The following TENM3 variants were observed in gnomAD, a reference collection of about 807,000 sequenced individuals.
The protein encoded by TENM3 is teneurin transmembrane protein 3.
In TENM3, 63 loss-of-function variants were observed where a neutral mutation model predicts 255.1. That is an observed-to-expected ratio of 0.25 (90% CI 0.20 to 0.30). The LOEUF (loss-of-function observed/expected upper bound fraction) is 0.30. Among genes scored for constraint, TENM3 ranks in the 10% least tolerant of loss-of-function variants. TENM3 has a pLI of 1.00. For missense variants in TENM3, 2,929 were observed against 3,461.1 expected (o/e 0.85, Z 3.86); for synonymous variants, 1,306 against 1,322.3 (o/e 0.99, Z 0.27).
At chr4:182,555,138 A>C (rs553811420) in intron 3 of TENM3, among the ~76,000 whole-genome samples, 19 of 152,342 alleles carry the variant, frequency 1.2e-4, no homozygotes, top group African/African-American at 4.6e-4. Flanking sequence ...GACATAATTA[A>C]CATAAAAACC....
At chr4:182,570,306 G>A (rs1191951027) in intron 3 of TENM3, among the ~76,000 whole-genome samples, 2 of 152,066 alleles carry the variant, frequency 1.3e-5, no homozygotes, top group African/African-American at 4.8e-5. Context: ...ATTGGGAGGG[G>A]AAGCCATATA....
the TENM3 span, among the ~76,000 whole-genome samples, chr4:181,999,497 A>T: frequency 6.6e-6 from 1 of 152,210 alleles, no homozygotes; most frequent in Admixed American, 6.5e-5. Flanking sequence ...TATTATGTGT[A>T]TACAAAACTT....
intron 5 of TENM3, among the ~76,000 whole-genome samples, chr4:182,633,792 C>T (rs902256119): frequency 4.6e-5 from 7 of 152,110 alleles, no homozygotes. Context: ...TACTGTCTCC[C>T]GTGAGGTTTT....
chr4:181,933,280 G>A, the TENM3 span, among the ~76,000 whole-genome samples: 1 of 152,080 alleles, frequency 6.6e-6, no homozygotes, highest in Non-Finnish European at 1.5e-5. Flanking sequence ...TTTTCTTGCA[G>A]TTATCAATCA....
chr4:182,362,738 G>A (rs1189503258), intron 3 of TENM3, among the ~76,000 whole-genome samples: 8 of 152,184 alleles, frequency 5.3e-5, no homozygotes, highest in African/African-American at 1.7e-4. Context: ...ACTGACCTGC[G>A]CCCACTGTCT....
At chr4:181,670,639 G>T in the TENM3 span, among the ~76,000 whole-genome samples, 2 of 152,164 alleles carry the variant, frequency 1.3e-5, no homozygotes, top group African/African-American at 4.8e-5. Context: ...TGGTTGTAGG[G>T]CATTCAACAC....
the TENM3 span, among the ~76,000 whole-genome samples, chr4:181,548,131 G>A: frequency 6.6e-6 from 1 of 152,230 alleles, no homozygotes; most frequent in Admixed American, 6.5e-5. Context: ...ACACCAGTTA[G>A]AACGGCGATC....
the TENM3 span, among the ~76,000 whole-genome samples, chr4:181,530,020 C>T: frequency 1.3e-5 from 2 of 152,188 alleles, no homozygotes; most frequent in Non-Finnish European, 2.9e-5. Context: ...AAGTTTGGCT[C>T]TTCTCTTAAC....
rs182281394 is a variant in TENM3 at position 182,553,545 on chromosome 4, A to G, written c.512-47379A>G. ...AAAGTATAATAATAATAAAATTTAAAAAAAAAAAGAAAATTGAAACTCATT... is the reference window on the plus strand; with the variant it reads ...AAAGTATAATAATAATAAAATTTAAGAAAAAAAAGAAAATTGAAACTCATT... On this transcript the variant is annotated intron_variant, in intron 3 of 27. Transcript: ENST00000511685. Among the ~76,000 whole-genome samples the G allele has an allele frequency of 2.1e-4, 32 of 152,158 alleles. 1 individual carries two copies. Among genetic ancestry groups the G allele is most frequent in the African/African-American group, 7.0e-4 (29 of 41,528 alleles).
chr4:182,792,067 C>G lies in TENM3; in HGVS notation c.5602-207C>G, dbSNP rs955863635. On this transcript the variant is annotated intron_variant, in intron 25 of 27. Coordinates refer to ENST00000511685, the MANE Select transcript of TENM3 (RefSeq NM_001080477.4). The surrounding 1 kb of genome is among the most constrained non-coding windows in gnomAD (Gnocchi z 6.3). ...GTGACAGGCAGCACATTGTGAATCT[C>G]GAGCCACTAATTGCAGAACCCCTCA... Among the ~76,000 whole-genome samples the G allele has an allele frequency of 6.6e-6, 1 of 152,132 alleles. No homozygotes were observed. The highest frequency in any genetic ancestry group is 1.5e-5 in the Non-Finnish European group (1 of 68,040).
At chr4:181,948,657 C>G in the TENM3 span, among the ~76,000 whole-genome samples, 1 of 152,106 alleles carries the variant, frequency 6.6e-6, no homozygotes, top group East Asian at 1.9e-4. Flanking sequence ...ACCTCGTGAT[C>G]TGCCCACCTC....
At chr4:182,262,777 G>GCC (rs1758906907) in intron 1 of TENM3, among the ~76,000 whole-genome samples, 1 of 138,898 alleles carries the variant, frequency 7.2e-6, no homozygotes, top group East Asian at 2.1e-4. Context: ...GCAGTGGCCT[G>GCC]ATCTCAGCTC....
intron 2 of TENM3, among the ~76,000 whole-genome samples, chr4:182,328,587 G>A (rs1337037009): frequency 1.3e-5 from 2 of 152,148 alleles, no homozygotes; most frequent in Non-Finnish European, 2.9e-5. Flanking sequence ...AAAACAGAAA[G>A]TAAATTTGCA....
chr4:182,320,547 T>A (rs1245524197), intron 1 of TENM3, among the ~76,000 whole-genome samples: 1 of 152,208 alleles, frequency 6.6e-6, no homozygotes, highest in Non-Finnish European at 1.5e-5. Flanking sequence ...AGTCATTGCA[T>A]TTAGGGCCCT....
At chr4:182,694,414 G>A (rs1345260386) in intron 12 of TENM3, among the ~76,000 whole-genome samples, 2 of 152,040 alleles carry the variant, frequency 1.3e-5, no homozygotes, top group African/African-American at 2.4e-5. Flanking sequence ...GCACCCAGCC[G>A]AGAGTTGTTT....
At chr4:182,250,343 C>T (rs951989627) in intron 1 of TENM3, among the ~76,000 whole-genome samples, 9 of 152,240 alleles carry the variant, frequency 5.9e-5, no homozygotes, top group Admixed American at 1.3e-4. Context: ...TGAGCCACTG[C>T]GCCTGGCCTG....
the TENM3 span, among the ~76,000 whole-genome samples, chr4:182,101,884 C>G: frequency 6.6e-6 from 1 of 152,056 alleles, no homozygotes; most frequent in African/African-American, 2.4e-5. Flanking sequence ...ACATTGTGCC[C>G]CATATATATA....
chr4:182,100,600 C>CACATATATATACACACAT, the TENM3 span, among the ~76,000 whole-genome samples: 28 of 22,144 alleles, frequency 1.3e-3, 1 homozygote, highest in East Asian at 0.019. Flanking sequence ...CATATATACA[C>CACATATATATACACACAT]ATATATACAC....
the TENM3 span, among the ~76,000 whole-genome samples, chr4:181,549,480 C>T: frequency 6.6e-6 from 1 of 152,242 alleles, no homozygotes; most frequent in African/African-American, 2.4e-5. Flanking sequence ...AGCCACCAGC[C>T]TCTCTCCAAC....
Sources: gnomAD v4.1 joint callset for allele counts (sites outside exome capture counted in the v4.1 genomes callset) on GRCh38, gnomAD v4.1.1 for gene constraint, Gnocchi (gnomAD v3.1) non-coding constraint, MANE v1.5 for transcripts, NCBI Gene and HGNC (gene_info 2026-07-23, HGNC 2026-07-21) for gene names.